The following RND1 variants were observed in gnomAD, a reference collection of about 807,000 sequenced individuals.
The protein encoded by RND1 is rho-related GTP-binding protein Rho6.
Under a neutral mutation model 27.1 loss-of-function variants are expected in RND1, and 9 were observed. The ratio of observed to expected loss-of-function variants is 0.33; its 90% CI spans 0.20 to 0.58. RND1 has a LOEUF of 0.58. Among genes scored for constraint, RND1 ranks in the 20% least tolerant of loss-of-function variants. The pLI is 0.86. For missense variants in RND1, 253 were observed against 292.2 expected (o/e 0.87, Z 0.98); for synonymous variants, 108 against 115.7 (o/e 0.93, Z 0.43).
intron 3 of RND1, 130 bp downstream of exon 3, chr12:48,861,879 C>A: frequency 4.3e-6 from 3 of 691,592 alleles, no homozygotes; most frequent in South Asian, 1.5e-5. Context: ...AATGGTGTGG[C>A]CTTGGGCAAA....
In RND1 at chr12:48,857,828, C is replaced by A; in HGVS notation, c.*168G>T. On this transcript the variant is annotated 3_prime_UTR_variant, in exon 5 of 5. Coordinates refer to ENST00000309739, the MANE Select transcript of RND1 (RefSeq NM_014470.4). ...TCTCTCTCAGCGTCAGGTCCTCATG[C>A]CGGGCCTGGCTCCTTCCTCGCCCCA... is the stretch of plus-strand genomic sequence containing the variant. The A allele has an allele frequency of 1.4e-6, 1 of 714,796 alleles. No homozygotes were observed. The highest frequency in any genetic ancestry group is 2.1e-6 in the Non-Finnish European group (1 of 465,690). The allele number at this position is 714,796 out of a possible 1,614,324, so 44.3% of individuals were successfully genotyped here.
chr12:48,864,056 C>G (rs1030689700), intron 2 of RND1, among the ~76,000 whole-genome samples: 16 of 152,170 alleles, frequency 1.1e-4, no homozygotes, highest in African/African-American at 3.1e-4. Flanking sequence ...CATATTCTAC[C>G]TCACCCCAGT....
In RND1 at chr12:48,857,967, G is replaced by T; in HGVS notation, c.*29C>A. ...CTCTGCACCCCAAGGGAGGAAGTAG[G>T]GGGTTGTCTCCCCCCTCCAATTTCC... On this transcript the variant is annotated 3_prime_UTR_variant, in exon 5 of 5. Transcript: ENST00000309739. 6.4e-7 allele frequency: 1 copy of T among 1,564,516 alleles called. No homozygotes were observed.
chr12:48,863,474 A>G (rs1438250751), intron 2 of RND1, among the ~76,000 whole-genome samples: 9 of 152,124 alleles, frequency 5.9e-5, no homozygotes, highest in Non-Finnish European at 1.5e-5. Flanking sequence ...GATGAGCTGC[A>G]GTAAGATTCT....
At chr12:48,865,001 G>T (rs1250922132) in intron 1 of RND1, 131 bp from the exon 2 acceptor site, 1 of 741,664 alleles carries the variant, frequency 1.3e-6, no homozygotes. Context: ...GAGATGCCTG[G>T]GGCAGGAGGG....
chr12:48,865,839 A>C lies in RND1; in HGVS notation c.-72T>G. ...TGCGCCAGGTGCGTCTCAGCACGCCAATCAAGCCAGATTCCCTGCCTCCCT... is the reference window on the plus strand; with the variant it reads ...TGCGCCAGGTGCGTCTCAGCACGCCCATCAAGCCAGATTCCCTGCCTCCCT... On this transcript the variant is annotated 5_prime_UTR_variant, in exon 1 of 5. The change creates a new upstream start codon in the 5' untranslated region. Coordinates refer to ENST00000309739, the MANE Select transcript of RND1 (RefSeq NM_014470.4). 2 of 1,518,460 alleles carry C rather than the reference A, an allele frequency of 1.3e-6. No individual in the cohort carries two copies. The highest frequency in any genetic ancestry group is 8.8e-7 in the Non-Finnish European group (1 of 1,129,954). The allele number at this position is 1,518,460 out of a possible 1,614,324, so 94.1% of individuals were successfully genotyped here. A position where few individuals can be genotyped will look rare whatever the true frequency, so the allele number is the denominator to read the frequency against.
intron 4 of RND1, among the ~76,000 whole-genome samples, chr12:48,859,944 T>C (rs1389551217): frequency 6.6e-6 from 1 of 152,054 alleles, no homozygotes; most frequent in Non-Finnish European, 1.5e-5. Flanking sequence ...ACCTGGCTAA[T>C]TTTTTGTATT....
At position 48,858,637 on chromosome 12, in the gene RND1, G is replaced by A. The variant is rs182129119; in HGVS notation, c.454-396C>T. 5.7e-4 allele frequency: 93 copies of A among 163,578 alleles called. 1 individual carries two copies. The highest frequency in any genetic ancestry group is 9.4e-4 in the African/African-American group (39 of 41,706). 10.1% of individuals were successfully genotyped at this position (163,578 alleles called of 1,614,324 possible). A position where few individuals can be genotyped will look rare whatever the true frequency, so the allele number is the denominator to read the frequency against. On this transcript the variant is annotated intron_variant, in intron 4 of 4. Transcript: ENST00000309739. ...AAGACCAGCCTAGGTGGCCGGGCGC[G>A]GTGGCTTACACCCATAATCCCAGCG...
intron 4 of RND1, chr12:48,859,261 A>G (rs1170962576): frequency 1.3e-5 from 2 of 151,880 alleles, no homozygotes; most frequent in Non-Finnish European, 2.9e-5. Flanking sequence ...CCTGGCCGGT[A>G]TTAGTATTCT....
Position 48,857,983 on chromosome 12 carries a change from T to A in RND1, c.*13A>T, listed in dbSNP as rs1251231752. On this transcript the variant is annotated 3_prime_UTR_variant, in exon 5 of 5. Coordinates refer to ENST00000309739, the MANE Select transcript of RND1 (RefSeq NM_014470.4). ...AGGAAGTAGGGGGTTGTCTCCCCCC[T>A]CCAATTTCCACTTCACATAATGGAA... 3.8e-6 allele frequency: 6 copies of A among 1,578,304 alleles called. No homozygotes were observed. The highest frequency in any genetic ancestry group is 5.2e-6 in the Non-Finnish European group (6 of 1,161,526).
At chr12:48,865,242 A>T (rs892542529) in intron 1 of RND1, 2 of 372,726 alleles carry the variant, frequency 5.4e-6, no homozygotes, top group Non-Finnish European at 1.0e-5. Flanking sequence ...AGGTGAACAG[A>T]GGGGCTGCAG....
chr12:48,861,044 G>C lies in RND1; in HGVS notation c.406C>G (p.Leu136Val). 6.2e-7 allele frequency: 1 copy of C among 1,614,092 alleles called. No homozygotes were observed. The highest frequency in any genetic ancestry group is 1.1e-5 in the South Asian group (1 of 91,084). ...TGCTTCTGGTGGGACAGCTCCATCA[G>C]AGTACTCAGGTCTGTTCGCAGGTCT... Reference protein sequence around the residue: ...KTDLRTDLSTLMELSHQKQAP... With the variant: ...KTDLRTDLSTVMELSHQKQAP... The change falls in exon 4 of 5, where the codon CTG becomes GTG. Residue 136 changes from leucine (L) to valine (V), a missense_variant. By Grantham distance (32) the Leu-to-Val change is conservative. Coordinates refer to ENST00000309739, the MANE Select transcript of RND1 (RefSeq NM_014470.4).
chr12:48,865,067 C>T (rs1938969623), intron 1 of RND1, among the ~76,000 whole-genome samples, 197 bp from the exon 2 acceptor site: 1 of 152,140 alleles, frequency 6.6e-6, no homozygotes, highest in African/African-American at 2.4e-5. Context: ...ATGTGAATGA[C>T]ACCCCCCCAC....
Position 48,857,447 on chromosome 12 carries a change from G to A in RND1, c.*549C>T, listed in dbSNP as rs1227558257. On this transcript the variant is annotated 3_prime_UTR_variant, in exon 5 of 5. Coordinates refer to ENST00000309739, the MANE Select transcript of RND1 (RefSeq NM_014470.4). The stretch of plus-strand genomic sequence containing the variant: ...GATGTCACCTCTCCATGAGGCATGG[G>A]CTATGCAAAGATGAGGTTTCCTTCT... 6.5e-6 allele frequency: 1 copy of A among 153,440 alleles called. No homozygotes were observed. The allele number at this position is 153,440 out of a possible 1,614,324, so 9.5% of individuals were successfully genotyped here. A position where few individuals can be genotyped will look rare whatever the true frequency, so the allele number is the denominator to read the frequency against.
chr12:48,862,069 A>G lies in RND1; in HGVS notation c.258T>C (p.Asp86=). ...TGATGTCAAAACATAGTAATACTGC[A>G]TCCGAGTCGCTGTAGCAGAGTGGAC... ...NVRPLCYSDS[D]AVLLCFDISR... The change falls in exon 3 of 5, where the codon GAT becomes GAC. Residue 86 remains aspartate, a synonymous_variant. Coordinates refer to ENST00000309739, the MANE Select transcript of RND1 (RefSeq NM_014470.4). 1 of 1,613,870 alleles carries G rather than the reference A, an allele frequency of 6.2e-7. No individual in the cohort carries two copies. The highest frequency in any genetic ancestry group is 1.3e-5 in the African/African-American group (1 of 75,056).
At chr12:48,858,559 C>T (rs1036079282) in intron 4 of RND1, 3 of 262,508 alleles carry the variant, frequency 1.1e-5, no homozygotes, top group Admixed American at 5.1e-5. Context: ...GCCTCTAATC[C>T]CAGCTACTCA....
chr12:48,865,752 C>CG lies in RND1; in HGVS notation c.15_16insC (p.Ala6ArgfsTer10). ...CATCTGGCCACGACTGGCTGGGGGG[C>CG]CCGTCTCTCCTTCATGGTTGCAGTG... On this transcript the variant is annotated frameshift_variant, in exon 1 of 5. Coordinates refer to ENST00000309739, the MANE Select transcript of RND1 (RefSeq NM_014470.4). LOFTEE classifies it high-confidence loss of function. 1 of 1,603,224 alleles carries CG rather than the reference C, an allele frequency of 6.2e-7. No individual in the cohort carries two copies. The highest frequency in any genetic ancestry group is 8.5e-7 in the Non-Finnish European group (1 of 1,172,158).
chr12:48,864,023 T>G (rs1454293889), intron 2 of RND1, among the ~76,000 whole-genome samples: 1 of 152,072 alleles, frequency 6.6e-6, no homozygotes, highest in Non-Finnish European at 1.5e-5. Flanking sequence ...AAAACATTGT[T>G]TCTACATTCT....
chr12:48,862,271 ACTGT>A (rs1938928911), intron 2 of RND1, 153 bp from the exon 3 acceptor site: 1 of 571,268 alleles, frequency 1.8e-6, no homozygotes, highest in Non-Finnish European at 3.1e-6. Context: ...TTGGGACCTG[ACTGT>A]CTGCCAGAAG....
Sources: gnomAD v4.1 joint callset for allele counts (sites outside exome capture counted in the v4.1 genomes callset) on GRCh38, gnomAD v4.1.1 for gene constraint, MANE v1.5 for transcripts, NCBI Gene and HGNC (gene_info 2026-07-23, HGNC 2026-07-21) for gene names.